The following XYLT1 variants were observed in gnomAD, a reference collection of about 807,000 sequenced individuals.
XYLT1 encodes beta-D-xylosyltransferase 1.
A neutral mutation model predicts 91.3 loss-of-function variants in XYLT1; 36 were observed. The ratio of observed to expected loss-of-function variants is 0.39; its 90% CI spans 0.30 to 0.52. XYLT1 has a LOEUF of 0.52. Among genes scored for constraint, XYLT1 ranks in the 20% least tolerant of loss-of-function variants. The probability of loss-of-function intolerance (pLI) is 0.68; values close to 1 mark genes in which losing one functional copy is unlikely to be tolerated. For missense variants in XYLT1, 1,242 were observed against 1,284.5 expected, an observed-to-expected ratio of 0.97 and a Z score of 0.51; for synonymous variants, 588 against 532.0, an observed-to-expected ratio of 1.11 and a Z score of -1.45.
intron 2 of XYLT1, chr16:17,338,614 C>A: frequency 2.5e-6 from 1 of 404,778 alleles, no homozygotes; most frequent in Non-Finnish European, 4.9e-6. Flanking sequence ...CATTCGTGGC[C>A]TGCTCACATT....
chr16:17,172,887 C>T (rs1397185832), intron 5 of XYLT1, among the ~76,000 whole-genome samples: 1 of 152,158 alleles, frequency 6.6e-6, no homozygotes, highest in Non-Finnish European at 1.5e-5. Context: ...TTTTATTTGA[C>T]TCTACATGAG....
chr16:17,247,266 T>C (rs1386800107), intron 3 of XYLT1, among the ~76,000 whole-genome samples: 2 of 150,354 alleles, frequency 1.3e-5, no homozygotes, highest in Non-Finnish European at 3.0e-5. Flanking sequence ...ACACAATCAG[T>C]TGTGCCCAAG....
chr16:17,241,235 T>G (rs1003443219), intron 3 of XYLT1, among the ~76,000 whole-genome samples: 3 of 152,228 alleles, frequency 2.0e-5, no homozygotes, highest in African/African-American at 7.2e-5. Flanking sequence ...CACCTAATGG[T>G]GCAGTTCCTG....
At chr16:17,447,927 T>C (rs2036613806) in intron 1 of XYLT1, among the ~76,000 whole-genome samples, 1 of 152,232 alleles carries the variant, frequency 6.6e-6, no homozygotes, top group Non-Finnish European at 1.5e-5. Flanking sequence ...CTGTGCTTCA[T>C]TGTAAGACCC....
intron 3 of XYLT1, among the ~76,000 whole-genome samples, chr16:17,219,664 T>TG (rs1468407604): frequency 1.3e-5 from 2 of 152,176 alleles, no homozygotes; most frequent in African/African-American, 4.8e-5. Context: ...CTTTTTGAGA[T>TG]GGAGTCTCAC....
intron 7 of XYLT1, among the ~76,000 whole-genome samples, chr16:17,139,881 TGGGGGCAGTCAGCCCTCCCCG>T (rs900427804): frequency 3.9e-5 from 6 of 152,178 alleles, no homozygotes; most frequent in African/African-American, 1.2e-4. Context: ...CTCTGGGTGA[TGGGGGCAGTCAGCCCTCCCCG>T]GAGCTTGGCA....
chr16:17,172,560 T>G (rs1273156962), intron 5 of XYLT1, among the ~76,000 whole-genome samples: 2 of 149,462 alleles, frequency 1.3e-5, no homozygotes, highest in Non-Finnish European at 3.0e-5. Context: ...CAACCTCTGC[T>G]TCCCAGGTTC....
intron 9 of XYLT1, among the ~76,000 whole-genome samples, chr16:17,128,354 A>G (rs1394625315): frequency 1.3e-5 from 2 of 152,232 alleles, no homozygotes; most frequent in South Asian, 2.1e-4. Flanking sequence ...AAAGTCTCTG[A>G]AGACACGATT....
chr16:17,410,532 A>C (rs905476540), intron 1 of XYLT1, among the ~76,000 whole-genome samples: 1 of 151,932 alleles, frequency 6.6e-6, no homozygotes, highest in Middle Eastern at 3.2e-3. Context: ...ACTCACCCCC[A>C]TGATTAAATC....
intron 2 of XYLT1, among the ~76,000 whole-genome samples, chr16:17,281,740 T>G (rs989719984): frequency 1.3e-5 from 2 of 152,156 alleles, no homozygotes; most frequent in East Asian, 3.9e-4. Context: ...AAGGCAATCA[T>G]TTCCTCCCTG....
Position 17,141,230 on chromosome 16 carries a change from C to T in XYLT1, c.1510G>A (p.Glu504Lys). ...TCGTCTGTGGAGAAGGTCACATATT[C>T]TACAAACCTCCGGTTCAGCAGGAAC... ...DWFLLNRRFVEYVTFSTDDLV... is the reference protein window; with the variant it reads ...DWFLLNRRFVKYVTFSTDDLV... The change falls in exon 7 of 12, where the codon GAA becomes AAA. Residue 504 changes from glutamate to lysine, a missense_variant. Around this residue, in one of 3 missense-constraint regions of XYLT1, gnomAD observed 294 missense variants for 376.0 expected, o/e 0.78. Coordinates refer to ENST00000261381, the MANE Select transcript of XYLT1 (RefSeq NM_022166.4). The T allele has an allele frequency of 6.2e-7, 1 of 1,614,212 alleles. No homozygotes were observed. Among genetic ancestry groups the T allele is most frequent in the Admixed American group, 1.7e-5 (1 of 60,032 alleles).
chr16:17,195,306 T>C (rs1363299124), intron 5 of XYLT1, among the ~76,000 whole-genome samples: 1 of 152,074 alleles, frequency 6.6e-6, no homozygotes, highest in East Asian at 1.9e-4. Context: ...ATCTCTTTCT[T>C]ATTTCCCTCC....
At chr16:17,162,216 C>T (rs773845988) in intron 5 of XYLT1, among the ~76,000 whole-genome samples, 5 of 151,758 alleles carry the variant, frequency 3.3e-5, no homozygotes, top group Non-Finnish European at 5.9e-5. Flanking sequence ...GAGACCAGCC[C>T]GGCCAACATG....
At chr16:17,212,655 C>T (rs1263340650) in intron 3 of XYLT1, among the ~76,000 whole-genome samples, 2 of 152,132 alleles carry the variant, frequency 1.3e-5, no homozygotes, top group African/African-American at 2.4e-5. Flanking sequence ...CATTTTCCTG[C>T]TCACTGACTT....
intron 1 of XYLT1, among the ~76,000 whole-genome samples, chr16:17,379,777 A>T (rs2035655456): frequency 1.3e-5 from 2 of 150,994 alleles, no homozygotes; most frequent in African/African-American, 4.9e-5. Context: ...ACACACACAC[A>T]CACACACACA....
intron 2 of XYLT1, among the ~76,000 whole-genome samples, chr16:17,280,722 T>C (rs2141784000): frequency 6.6e-6 from 1 of 152,370 alleles, no homozygotes; most frequent in South Asian, 2.1e-4. Flanking sequence ...ACATACAATG[T>C]ATAGTGTTAT....
At chr16:17,421,075 C>A (rs12444360) in intron 1 of XYLT1, among the ~76,000 whole-genome samples, 16,018 of 152,228 alleles carry the variant, frequency 0.11, 979 homozygotes, top group Non-Finnish European at 0.15. Context: ...TATTTCTACT[C>A]CGCCAGCTTG....
chr16:17,455,577 C>A (rs2036729523), intron 1 of XYLT1, among the ~76,000 whole-genome samples: 1 of 135,962 alleles, frequency 7.4e-6, no homozygotes, highest in South Asian at 2.4e-4. Context: ...AGTGAGACTC[C>A]ATCTCTAAAT....
chr16:17,150,393 T>G (rs2031254109), intron 6 of XYLT1, among the ~76,000 whole-genome samples: 1 of 152,182 alleles, frequency 6.6e-6, no homozygotes, highest in African/African-American at 2.4e-5. Flanking sequence ...CAGGCTCTGC[T>G]CTATGCACTG....
Sources: gnomAD v4.1 joint callset for allele counts (sites outside exome capture counted in the v4.1 genomes callset) on GRCh38, gnomAD v4.1.1 for gene constraint, gnomAD v4.1.1 regional missense constraint, MANE v1.5 for transcripts, NCBI Gene and HGNC (gene_info 2026-07-23, HGNC 2026-07-21) for gene names.